Variants in MIA3 observed in about 807,000 individuals in gnomAD.
MIA3 encodes the protein transport and Golgi organization protein 1 homolog.
A neutral mutation model predicts 192.4 loss-of-function variants in MIA3; 90 were observed. That is an observed-to-expected ratio of 0.47 (90% confidence interval 0.39 to 0.56). The LOEUF (loss-of-function observed/expected upper bound fraction) is 0.56. MIA3 is among the 20% of genes least tolerant of loss of function. The pLI, the probability that MIA3 is intolerant of heterozygous loss-of-function variation, is 0.00. For synonymous variants in MIA3, 740 were observed against 792.8 expected (o/e 0.93, Z 1.12); for missense variants, 2,123 against 2,269.4 (o/e 0.94, Z 1.31).
In MIA3 at chr1:222,662,255, C is replaced by A; in HGVS notation, c.5185C>A (p.Pro1729Thr). 6.2e-7 allele frequency: 1 copy of A among 1,613,616 alleles called. No individual in the cohort carries two copies. Among genetic ancestry groups the A allele is most frequent in the South Asian group, 1.1e-5 (1 of 91,072 alleles). The part of the protein sequence containing the change: ...EASGKPSPSD[P>T]GSGTATMMNS... ...ATCAGTTCTCTGGTCTTTAACAGAT[C>A]CAGGATCTGGTACAGCTACCATGAT... is the stretch of plus-strand genomic sequence containing the variant. The change falls in exon 26 of 28, where the codon CCA (proline) becomes ACA (threonine). Residue 1729 changes from proline (P) to threonine (T), a missense_variant and splice_region_variant. Transcript: ENST00000344922.
chr1:222,629,967 A>C lies in MIA3; in HGVS notation c.2747A>C (p.His916Pro), dbSNP rs371534257. Residue 916 changes from histidine (H) to proline (P), a missense_variant, in exon 4 of 28, where the codon CAT (histidine) becomes CCT (proline). By Grantham distance (77) the His-to-Pro change is moderately conservative. This residue lies in a region of MIA3 where 1,357 missense variants were observed against 1,396.1 expected (regional missense o/e 0.97). Coordinates refer to ENST00000344922, the MANE Select transcript of MIA3 (RefSeq NM_198551.4). ...CCACATACAAGTGTAGAGCCAGGGC[A>C]TAGTGACAAGAGGGAGGACTTACTT... ...WTPHTSVEPG[H>P]SDKREDLLII... is the part of the protein sequence containing the mutation. 4 of 1,614,082 alleles carry C rather than the reference A, an allele frequency of 2.5e-6. No homozygotes were observed. Among genetic ancestry groups the C allele is most frequent in the Non-Finnish European group, 8.5e-7 (1 of 1,180,000 alleles).
chr1:222,650,333 A>G lies in MIA3; in HGVS notation c.3673A>G (p.Lys1225Glu). The change falls in exon 9 of 28, where the codon AAA (lysine) becomes GAA (glutamate). Residue 1225 changes from lysine to glutamate, a missense_variant. Physicochemically the swap from Lys to Glu is moderately conservative, Grantham distance 56. This residue lies in a region of MIA3 where 762 missense variants were observed against 856.4 expected (regional missense o/e 0.89). Transcript: ENST00000344922. ...QISEKLKTIM[K>E]ENTELVQKLS... ...TTCTGAGAAGTTGAAGACTATCATG[A>G]AAGAAAATACAGAACTTGTACAAAA... The G allele has an allele frequency of 6.2e-7, 1 of 1,607,922 alleles. No homozygotes were observed. The highest frequency in any genetic ancestry group is 1.1e-5 in the South Asian group (1 of 90,548).
Position 222,628,039 on chromosome 1 carries a change from A to G in MIA3, c.819A>G (p.Leu273=), listed in dbSNP as rs1276902557. The change falls in exon 4 of 28, where the codon CTA becomes CTG. Residue 273 remains leucine, a synonymous_variant. Coordinates refer to ENST00000344922, the MANE Select transcript of MIA3 (RefSeq NM_198551.4). ...AACTTTTGAAAAAAGAAATGACTCT[A>G]GACTTGAAAACCAAATTTGGCTCAA... ...AYKLLKKEMT[L]DLKTKFGSTA... is the part of the protein sequence containing the mutation. The G allele has an allele frequency of 6.2e-7, 1 of 1,614,186 alleles. No homozygotes were observed. The highest frequency in any genetic ancestry group is 1.1e-5 in the South Asian group (1 of 91,088).
chr1:222,630,078 A>G lies in MIA3; in HGVS notation c.2858A>G (p.Gln953Arg). ...GTCCATGAGCTGGAAGCCTTGCTAC[A>G]AGAAATGTCATCAAAACTGAAGTCA... ...FNVHELEALLQEMSSKLKSAQ... is the reference protein window; with the variant it reads ...FNVHELEALLREMSSKLKSAQ... The change falls in exon 4 of 28, where the codon CAA becomes CGA. Residue 953 changes from glutamine (Q) to arginine (R), a missense_variant. This residue lies in a region of MIA3 where 1,357 missense variants were observed against 1,396.1 expected (regional missense o/e 0.97). Coordinates refer to ENST00000344922, the MANE Select transcript of MIA3 (RefSeq NM_198551.4). 2 of 1,614,196 alleles carry G rather than the reference A, an allele frequency of 1.2e-6. No individual in the cohort carries two copies. Among genetic ancestry groups the G allele is most frequent in the Middle Eastern group, 1.6e-4 (1 of 6,062 alleles).
chr1:222,644,424 G>T, intron 6 of MIA3: 2 of 1,549,232 alleles, frequency 1.3e-6, no homozygotes, highest in Admixed American at 2.0e-5. Flanking sequence ...AAAACAGGGG[G>T]CCCAGTGCCA....
At chr1:222,663,948 T>C in intron 26 of MIA3, 50 bp from the exon 27 acceptor site, 2 of 1,530,188 alleles carry the variant, frequency 1.3e-6, no homozygotes, top group African/African-American at 2.8e-5. Context: ...TTGGTGCTTT[T>C]GTCTGTCATA....
rs760712203 is a variant in MIA3, at chr1:222,628,019, T to C, written c.799T>C (p.Leu267=). The C allele has an allele frequency of 1.4e-5, 23 of 1,613,938 alleles. No homozygotes were observed. In the Admixed American group the frequency reaches 2.3e-4, roughly 16 times the overall value. ...EQDKIDAYKL[L]KKEMTLDLKT... ...GGATAAGATTGATGCCTATAAACTT[T>C]TGAAAAAAGAAATGACTCTAGACTT... The change falls in exon 4 of 28, where the codon TTG becomes CTG. Residue 267 remains leucine (L), a synonymous_variant. Transcript: ENST00000344922.
At chr1:222,621,895 G>A (rs1345960301) in intron 2 of MIA3, among the ~76,000 whole-genome samples, 1 of 149,564 alleles carries the variant, frequency 6.7e-6, no homozygotes, top group Non-Finnish European at 1.5e-5. Context: ...TGCAAGCTCC[G>A]CCTCCCGGGT....
In MIA3 at chr1:222,627,718, A is replaced by T. The variant is rs751379129; in HGVS notation, c.498A>T (p.Glu166Asp). 47 of 1,613,658 alleles carry T rather than the reference A, an allele frequency of 2.9e-5. No homozygotes were observed. In the South Asian group the frequency reaches 4.8e-4, roughly 17 times the overall value. ...TAGAAAAAACTTTACAGGATATGGA[A>T]AAAAACCCTGAATTATCTAAGGAAA... ...KAVEKTLQDM[E>D]KNPELSKERE... The change falls in exon 4 of 28, where the codon GAA becomes GAT. Residue 166 changes from glutamate to aspartate, a missense_variant. Around this residue, in one of 3 missense-constraint regions of MIA3, gnomAD observed 1,357 missense variants for 1,396.1 expected, o/e 0.97. Transcript: ENST00000344922.
Position 222,662,249 on chromosome 1 carries a change from A to G in MIA3, c.5183-4A>G, listed in dbSNP as rs1664054665. On this transcript the variant is annotated splice_polypyrimidine_tract_variant and splice_region_variant and intron_variant, in intron 25 of 27. Transcript: ENST00000344922. ...GTCTACATCAGTTCTCTGGTCTTTA[A>G]CAGATCCAGGATCTGGTACAGCTAC... The G allele has an allele frequency of 2.5e-6, 4 of 1,612,772 alleles. No individual in the cohort carries two copies. The South Asian group carries it at 4.4e-5, about 18-fold the overall frequency.
At position 222,650,783 on chromosome 1, in the gene MIA3, T is replaced by C; in HGVS notation, c.3799-10T>C. 2 of 1,590,148 alleles carry C rather than the reference T, an allele frequency of 1.3e-6. No homozygotes were observed. The highest frequency in any genetic ancestry group is 2.2e-5 in the East Asian group (1 of 44,622). ...AATGAGTATAACTAACCTTAATATCTTTTTTGTAGGATAAAATCAAGACAC... is the reference window on the plus strand; with the variant it reads ...AATGAGTATAACTAACCTTAATATCCTTTTTGTAGGATAAAATCAAGACAC... On this transcript the variant is annotated splice_polypyrimidine_tract_variant and intron_variant, in intron 10 of 27. Coordinates refer to ENST00000344922, the MANE Select transcript of MIA3 (RefSeq NM_198551.4).
At chr1:222,622,751 C>T (rs1180302269) in intron 2 of MIA3, among the ~76,000 whole-genome samples, 1 of 152,104 alleles carries the variant, frequency 6.6e-6, no homozygotes, top group Non-Finnish European at 1.5e-5. Context: ...TTCCACTCCT[C>T]ATCTTTGAGC....
At chr1:222,651,800 C>G in intron 11 of MIA3, among the ~76,000 whole-genome samples, 177 bp from the exon 12 acceptor site, 1 of 152,118 alleles carries the variant, frequency 6.6e-6, no homozygotes. Flanking sequence ...ATTATTTTCC[C>G]TTACCTCTTT....
intron 7 of MIA3, chr1:222,648,040 G>C: frequency 4.3e-6 from 1 of 231,716 alleles, no homozygotes; most frequent in Non-Finnish European, 9.3e-6. Context: ...GGGAAAATAT[G>C]TTCTGGGTTG....
chr1:222,657,655 C>A (rs1663805205), intron 18 of MIA3, among the ~76,000 whole-genome samples: 1 of 152,212 alleles, frequency 6.6e-6, no homozygotes. Flanking sequence ...CACATCCCTT[C>A]CTAAGCCAGA....
At chr1:222,644,583 G>A in intron 6 of MIA3, 1 of 1,550,584 alleles carries the variant, frequency 6.4e-7, no homozygotes, top group Non-Finnish European at 8.7e-7. Context: ...CCAAGCTGCT[G>A]GAGGTGACAG....
chr1:222,625,255 T>C (rs1662059473), intron 3 of MIA3, among the ~76,000 whole-genome samples: 1 of 152,228 alleles, frequency 6.6e-6, no homozygotes, highest in East Asian at 1.9e-4. Context: ...TCCGCCCGCC[T>C]CAGCCTCCCA....
At chr1:222,641,292 A>T in intron 6 of MIA3, 1 of 240,450 alleles carries the variant, frequency 4.2e-6, no homozygotes, top group East Asian at 1.2e-4. Context: ...TGTTTTTGAC[A>T]GTTTATTTTT....
rs1285395642 is a variant in MIA3 at position 222,647,555 on chromosome 1, C to T, written c.3610-1274C>T. Among the ~76,000 whole-genome samples the T allele has an allele frequency of 3.3e-5, 5 of 152,262 alleles. No individual in the cohort carries two copies. The Middle Eastern group carries it at 0.01, about 311-fold the overall frequency. ...TGAGGCCTTCTCTAACCTCCTGGTG[C>T]TTTTCTTCAGATAAAAAGGGAGAAT... On this transcript the variant is annotated intron_variant, in intron 7 of 27. Coordinates refer to ENST00000344922, the MANE Select transcript of MIA3 (RefSeq NM_198551.4).
Sources: gnomAD v4.1 joint callset for allele counts (sites outside exome capture counted in the v4.1 genomes callset) on GRCh38, gnomAD v4.1.1 for gene constraint, gnomAD v4.1.1 regional missense constraint, MANE v1.5 for transcripts, NCBI Gene and HGNC (gene_info 2026-07-23, HGNC 2026-07-21) for gene names.